FOXP1: variants seen among roughly 807,000 people sequenced by gnomAD.
FOXP1 encodes forkhead box P1, also known as forkhead box protein P1.
In FOXP1, 15 loss-of-function variants were observed where a neutral mutation model predicts 98.2. The observed-to-expected ratio is 0.15, with a 90% CI of 0.10 to 0.24. The LOEUF is 0.24. FOXP1 is among the 10% of genes least tolerant of loss of function. The pLI is 1.00. For synonymous variants in FOXP1, 371 were observed against 314.5 expected (o/e 1.18, Z -1.90); for missense variants, 633 against 848.5 (o/e 0.75, Z 3.15).
intron 6 of FOXP1, among the ~76,000 whole-genome samples, chr3:71,140,015 T>C (rs769721338): frequency 6.6e-6 from 1 of 152,192 alleles, no homozygotes; most frequent in Non-Finnish European, 1.5e-5. Flanking sequence ...CTAAAGATTT[T>C]AAACAAAGTA....
intron 20 of FOXP1, among the ~76,000 whole-genome samples, chr3:70,960,712 C>T (rs1271984626): frequency 6.6e-6 from 1 of 151,956 alleles, no homozygotes; most frequent in Admixed American, 6.6e-5. Flanking sequence ...CCCCTTGAAC[C>T]ATTTAAAAAC....
chr3:71,567,273 G>C lies in FOXP1; in HGVS notation c.-298+14276C>G, dbSNP rs112140663. ...CAGCCAAGAATCAAGTGTTTACCATGAGCCAACACTGTTAGGGGCTTTGCA... is the reference window on the plus strand; with the variant it reads ...CAGCCAAGAATCAAGTGTTTACCATCAGCCAACACTGTTAGGGGCTTTGCA... On this transcript the variant is annotated intron_variant, in intron 2 of 20. Coordinates refer to ENST00000649528, the MANE Select transcript of FOXP1 (RefSeq NM_001349338.3). 2.2e-4 allele frequency among the ~76,000 whole-genome samples: 33 copies of C among 151,970 alleles called. 1 individual carries two copies. Among genetic ancestry groups the C allele is most frequent in the African/African-American group, 7.7e-4 (32 of 41,470 alleles).
intron 2 of FOXP1, among the ~76,000 whole-genome samples, chr3:71,521,559 T>G (rs2042993403): frequency 6.6e-6 from 1 of 150,594 alleles, no homozygotes; most frequent in East Asian, 2.0e-4. Context: ...GGGGGGGACC[T>G]GGGTGAAGGA....
In FOXP1 at chr3:71,185,727, G is replaced by A. The variant is rs998144196; in HGVS notation, c.180+12475C>T. Among the ~76,000 whole-genome samples, 3 of 152,142 alleles carry A rather than the reference G, an allele frequency of 2.0e-5. No homozygotes were observed. The South Asian group carries it at 6.2e-4, about 32-fold the overall frequency. Reference sequence around the variant, plus strand: ...CTTACTTGTCTCAAAATTTAAAATGGCAAAATGGAAAAGACACAGCTTTGG... The same window carrying A: ...CTTACTTGTCTCAAAATTTAAAATGACAAAATGGAAAAGACACAGCTTTGG... On this transcript the variant is annotated intron_variant, in intron 6 of 20. Transcript: ENST00000649528.
chr3:71,055,570 C>A (rs758526104), intron 7 of FOXP1, among the ~76,000 whole-genome samples: 17 of 152,166 alleles, frequency 1.1e-4, no homozygotes, highest in Non-Finnish European at 2.4e-4. Context: ...ACAGTGAACT[C>A]GCATTCAGTT....
chr3:71,061,493 G>A (rs2051472174), intron 7 of FOXP1, among the ~76,000 whole-genome samples: 1 of 152,030 alleles, frequency 6.6e-6, no homozygotes, highest in Non-Finnish European at 1.5e-5. Flanking sequence ...TCTATTTGAG[G>A]CACTAAAAGT....
At chr3:71,232,680 C>T (rs567761860) in intron 5 of FOXP1, among the ~76,000 whole-genome samples, 10 of 151,754 alleles carry the variant, frequency 6.6e-5, no homozygotes, top group African/African-American at 2.4e-4. Context: ...GGGAGGATCC[C>T]TTGAGTTCAG....
intron 7 of FOXP1, among the ~76,000 whole-genome samples, chr3:71,070,515 C>T (rs566754141): frequency 1.8e-4 from 27 of 152,262 alleles, no homozygotes; most frequent in Non-Finnish European, 3.5e-4. Flanking sequence ...ATCCAAAAAA[C>T]GGAAGAGAAA....
At position 70,958,210 on chromosome 3, in the gene FOXP1, G is replaced by A. The variant is rs1053797; in HGVS notation, c.*1037C>T. The A allele has an allele frequency of 9.3e-4, 372 of 398,466 alleles. No homozygotes were observed. The highest frequency in any genetic ancestry group is 1.6e-3 in the South Asian group (70 of 43,878). 24.7% of individuals were successfully genotyped at this position (398,466 alleles called of 1,614,324 possible). ...AATGGTTGCTGCAAAAAAAAAAAAA[G>A]AAAAGAAAAGAAAAAAAGAAAATCC... On this transcript the variant is annotated 3_prime_UTR_variant, in exon 21 of 21. Transcript: ENST00000649528.
At chr3:71,048,867 A>C (rs1239954013) in intron 9 of FOXP1, among the ~76,000 whole-genome samples, 4 of 152,248 alleles carry the variant, frequency 2.6e-5, no homozygotes, top group African/African-American at 9.6e-5. Flanking sequence ...GAAATGTTTA[A>C]AAATTTTGTA....
chr3:71,537,722 T>A (rs2107584078), intron 2 of FOXP1, among the ~76,000 whole-genome samples: 1 of 152,320 alleles, frequency 6.6e-6, no homozygotes, highest in Non-Finnish European at 1.5e-5. Context: ...CTAATGAAGC[T>A]GCTAACATGT....
intron 2 of FOXP1, among the ~76,000 whole-genome samples, chr3:71,496,227 T>C (rs747708109): frequency 1.3e-5 from 2 of 152,166 alleles, no homozygotes; most frequent in Non-Finnish European, 2.9e-5. Flanking sequence ...TCCAGAGTGA[T>C]TCAGAAGCAC....
At chr3:71,576,969 G>C (rs2047768195) in intron 2 of FOXP1, among the ~76,000 whole-genome samples, 1 of 152,150 alleles carries the variant, frequency 6.6e-6, no homozygotes, top group African/African-American at 2.4e-5. Context: ...ATGTATTAAA[G>C]ACTGGCATCA....
At position 71,124,229 on chromosome 3, in the gene FOXP1, T is replaced by C. The variant is rs1295412360; in HGVS notation, c.181-11592A>G. On this transcript the variant is annotated intron_variant, in intron 6 of 20. Transcript: ENST00000649528. Reference sequence around the variant, plus strand: ...TAAAACAAAGTCATTTCTATTTGTGTGTACCTGCATAGTCGTTTGACAGGC... The same window carrying C: ...TAAAACAAAGTCATTTCTATTTGTGCGTACCTGCATAGTCGTTTGACAGGC... Among the ~76,000 whole-genome samples, 5 of 152,042 alleles carry C rather than the reference T, an allele frequency of 3.3e-5. 1 individual carries two copies. The highest frequency in any genetic ancestry group is 1.5e-5 in the Non-Finnish European group (1 of 67,988).
intron 6 of FOXP1, among the ~76,000 whole-genome samples, chr3:71,172,553 A>G (rs982369232): frequency 6.6e-6 from 1 of 152,186 alleles, no homozygotes; most frequent in Non-Finnish European, 1.5e-5. Flanking sequence ...GGCAGTTATT[A>G]TTAACCTTAT....
chr3:70,998,614 C>G (rs2041708959), intron 13 of FOXP1, among the ~76,000 whole-genome samples: 1 of 152,172 alleles, frequency 6.6e-6, no homozygotes, highest in Non-Finnish European at 1.5e-5. Context: ...GTACTAACTT[C>G]TGGCCAGATC....
chr3:71,406,405 G>GTATGTGTGTATATATA (rs2082336447), intron 3 of FOXP1, among the ~76,000 whole-genome samples: 1 of 105,948 alleles, frequency 9.4e-6, no homozygotes, highest in Non-Finnish European at 2.2e-5. Flanking sequence ...AACTGTATGT[G>GTATGTGTGTATATATA]TATATATATA....
At chr3:71,198,761 C>T (rs989153050) in intron 5 of FOXP1, among the ~76,000 whole-genome samples, 67 of 151,932 alleles carry the variant, frequency 4.4e-4, no homozygotes, top group African/African-American at 1.5e-3. Flanking sequence ...GGTGCAATCT[C>T]GGCTCACTGC....
chr3:71,155,154 T>C (rs1286551995), intron 6 of FOXP1, among the ~76,000 whole-genome samples: 1 of 152,236 alleles, frequency 6.6e-6, no homozygotes, highest in East Asian at 1.9e-4. Context: ...CCAAGGTTTG[T>C]CTCAGATATG....
Sources: allele counts gnomAD v4.1 joint callset (sites outside exome capture counted in the v4.1 genomes callset), GRCh38; gene constraint gnomAD v4.1.1; transcripts MANE v1.5; gene names NCBI Gene and HGNC (gene_info 2026-07-23, HGNC 2026-07-21).